The following GRSF1 variants were observed in gnomAD, a reference collection of about 807,000 sequenced individuals.
GRSF1 encodes the protein G-rich RNA sequence binding factor 1.
Under a neutral mutation model 51.1 loss-of-function variants are expected in GRSF1, and 50 were observed. The ratio of observed to expected loss-of-function variants is 0.98; its 90% confidence interval spans 0.78 to 1.24. The LOEUF is 1.24. GRSF1 is among the 50% of genes most tolerant of loss of function. GRSF1 has a pLI of 0.00. For missense variants in GRSF1, 700 were observed against 639.7 expected, an observed-to-expected ratio of 1.09 and a Z score of -1.02; for synonymous variants, 293 against 253.3, an observed-to-expected ratio of 1.16 and a Z score of -1.49.
At chr4:70,837,210 T>C (rs746793985) in intron 1 of GRSF1, among the ~76,000 whole-genome samples, 2 of 152,130 alleles carry the variant, frequency 1.3e-5, no homozygotes, top group Non-Finnish European at 2.9e-5. Flanking sequence ...AACTGGAATT[T>C]AGTAAGAATC....
intron 6 of GRSF1, among the ~76,000 whole-genome samples, chr4:70,826,790 G>A (rs1733754210): frequency 6.6e-6 from 1 of 152,204 alleles, no homozygotes; most frequent in South Asian, 2.1e-4. Flanking sequence ...CAAGGTTGCA[G>A]TGAGCCATGA....
At chr4:70,840,052 G>T (rs912028434), upstream of GRSF1, 1 of 454,124 alleles carries the variant, frequency 2.2e-6, no homozygotes, top group South Asian at 3.4e-5. Flanking sequence ...GGCTGCCCAT[G>T]GTTTGGGCGG....
chr4:70,828,736 ATTTTTT>A (rs35686810), intron 5 of GRSF1, among the ~76,000 whole-genome samples: 4 of 133,296 alleles, frequency 3.0e-5, no homozygotes, highest in Non-Finnish European at 6.3e-5. Flanking sequence ...CACACTGCTA[ATTTTTT>A]TTTTTTTTTT....
At chr4:70,828,868 G>A (rs1468110439) in intron 5 of GRSF1, among the ~76,000 whole-genome samples, 2 of 151,810 alleles carry the variant, frequency 1.3e-5, no homozygotes, top group Non-Finnish European at 2.9e-5. Flanking sequence ...CTCCTGAGTA[G>A]CTGGAATTAC....
upstream of GRSF1, chr4:70,839,904 G>T: frequency 1.5e-6 from 2 of 1,343,298 alleles, no homozygotes; most frequent in South Asian, 1.5e-5. Context: ...ATCCAGGGCC[G>T]GTTGGGGGTG....
chr4:70,839,447 A>T, intron 1 of GRSF1, 24 bp downstream of exon 1: 2 of 1,462,760 alleles, frequency 1.4e-6, no homozygotes, highest in Non-Finnish European at 9.0e-7. Flanking sequence ...ATCTCGCGCC[A>T]GGTCCCTCAC....
At chr4:70,830,311 G>T (rs549661194) in intron 5 of GRSF1, among the ~76,000 whole-genome samples, 1 of 151,994 alleles carries the variant, frequency 6.6e-6, no homozygotes, top group Admixed American at 6.6e-5. Context: ...CAGGTGTGGC[G>T]GCACATGCCT....
At position 70,825,335 on chromosome 4, in the gene GRSF1, C is replaced by T. The variant is rs998566844; in HGVS notation, c.1354G>A (p.Asp452Asn). 3.1e-6 allele frequency: 5 copies of T among 1,611,142 alleles called. No individual in the cohort carries two copies. Among genetic ancestry groups the T allele is most frequent in the Non-Finnish European group, 4.2e-6 (5 of 1,177,860 alleles). Reference sequence around the variant, plus strand: ...TCCTTGAGCATCGCTGCAACAGCATCCTCATGGGTCTCAAAGTGCACATCA... The same window carrying T: ...TCCTTGAGCATCGCTGCAACAGCATTCTCATGGGTCTCAAAGTGCACATCA... ...EADVHFETHEDAVAAMLKDRS... is the reference protein window; with the variant it reads ...EADVHFETHENAVAAMLKDRS... The change falls in exon 8 of 10, where the codon GAT (aspartate) becomes AAT (asparagine). Residue 452 changes from aspartate (D) to asparagine (N), a missense_variant. Coordinates refer to ENST00000254799, the MANE Select transcript of GRSF1 (RefSeq NM_002092.4).
Position 70,828,038 on chromosome 4 carries a change from T to C in GRSF1, c.951-2A>G. On this transcript the variant is annotated splice_acceptor_variant, in intron 5 of 9. Coordinates refer to ENST00000254799, the MANE Select transcript of GRSF1 (RefSeq NM_002092.4). LOFTEE classifies it high-confidence loss of function. The stretch of plus-strand genomic sequence containing the variant: ...CTGCTTGGAAATATCTCGATGTATC[T>C]ATGTCAAAGCAAAAGTAAACAGGCA... 2 of 1,609,898 alleles carry C rather than the reference T, an allele frequency of 1.2e-6. No individual in the cohort carries two copies. Among genetic ancestry groups the C allele is most frequent in the Non-Finnish European group, 1.7e-6 (2 of 1,177,590 alleles).
intron 9 of GRSF1, among the ~76,000 whole-genome samples, chr4:70,822,308 C>T (rs1040654538): frequency 1.3e-5 from 2 of 152,004 alleles, no homozygotes; most frequent in Non-Finnish European, 2.9e-5. Context: ...AATGGCTGGG[C>T]GTGGTGGCTC....
At chr4:70,823,228 C>G (rs963853031) in intron 9 of GRSF1, among the ~76,000 whole-genome samples, 3 of 152,078 alleles carry the variant, frequency 2.0e-5, no homozygotes, top group Admixed American at 6.6e-5. Context: ...GAAACCCCGT[C>G]TCTACTAAAA....
chr4:70,823,941 T>C (rs1578293897), intron 9 of GRSF1, among the ~76,000 whole-genome samples: 1 of 150,322 alleles, frequency 6.7e-6, no homozygotes, highest in East Asian at 2.0e-4. Context: ...TATTAGTTTA[T>C]CAATAGCAAA....
chr4:70,833,613 G>A (rs934406996), intron 2 of GRSF1, among the ~76,000 whole-genome samples: 1 of 152,096 alleles, frequency 6.6e-6, no homozygotes, highest in East Asian at 1.9e-4. Flanking sequence ...TTATACATAA[G>A]TGTCTTCCTT....
chr4:70,823,688 A>G (rs970847753), intron 9 of GRSF1, among the ~76,000 whole-genome samples: 1 of 151,948 alleles, frequency 6.6e-6, no homozygotes, highest in African/African-American at 2.4e-5. Context: ...TGGGCAACAT[A>G]GTGAGACCCC....
intron 9 of GRSF1, among the ~76,000 whole-genome samples, chr4:70,821,088 T>C (rs1050046848): frequency 6.6e-6 from 1 of 152,188 alleles, no homozygotes; most frequent in Non-Finnish European, 1.5e-5. Flanking sequence ...TTAGCTATTA[T>C]AAATATTTAA....
chr4:70,821,540 A>T, intron 9 of GRSF1, among the ~76,000 whole-genome samples: 1 of 145,200 alleles, frequency 6.9e-6, no homozygotes, highest in Non-Finnish European at 1.5e-5. Flanking sequence ...CGGGGGGCGG[A>T]GGTTGCAGTA....
intron 1 of GRSF1, 149 bp downstream of exon 1, chr4:70,839,322 C>T: frequency 6.7e-7 from 1 of 1,503,214 alleles, no homozygotes; most frequent in Non-Finnish European, 8.9e-7. Flanking sequence ...CCAATAGGAG[C>T]ACAGGGTGGA....
At position 70,831,652 on chromosome 4, in the gene GRSF1, A is replaced by C. The variant is rs765124881; in HGVS notation, c.837T>G (p.Thr279=). ...GCCTCCCTCTATAGTCCATCACAAAAGTAATGTCAACTATATTCAGTCCTA... is the reference window on the plus strand; with the variant it reads ...GCCTCCCTCTATAGTCCATCACAAACGTAATGTCAACTATATTCAGTCCTA... ...FFAGLNIVDI[T]FVMDYRGRRK... Residue 279 remains threonine (T), a synonymous_variant, in exon 5 of 10, where the codon ACT becomes ACG. Transcript: ENST00000254799. 10 of 1,613,480 alleles carry C rather than the reference A, an allele frequency of 6.2e-6. No individual in the cohort carries two copies. The East Asian group carries it at 2.0e-4, about 32-fold the overall frequency.
At chr4:70,831,418 C>T in intron 5 of GRSF1, 121 bp downstream of exon 5, 1 of 785,294 alleles carries the variant, frequency 1.3e-6, no homozygotes, top group Non-Finnish European at 1.9e-6. Flanking sequence ...CATTTGATGG[C>T]TCACTACACT....
Sources: allele counts gnomAD v4.1 joint callset (sites outside exome capture counted in the v4.1 genomes callset), GRCh38; gene constraint gnomAD v4.1.1; transcripts MANE v1.5; gene names NCBI Gene and HGNC (gene_info 2026-07-23, HGNC 2026-07-21).